Variants in SASH1 observed in about 807,000 individuals in gnomAD.
The protein encoded by SASH1 is SAM and SH3 domain-containing protein 1.
Under a neutral mutation model 125.2 loss-of-function variants are expected in SASH1, and 44 were observed. The ratio of observed to expected loss-of-function variants is 0.35; its 90% CI spans 0.28 to 0.45. The LOEUF (loss-of-function observed/expected upper bound fraction) is 0.45, where lower values mean the gene tolerates loss of function less well. SASH1 is among the 20% of genes least tolerant of loss of function. The pLI is 1.00. For synonymous variants in SASH1, 639 were observed against 649.1 expected, an observed-to-expected ratio of 0.98 and a Z score of 0.24; for missense variants, 1,426 against 1,614.5, an observed-to-expected ratio of 0.88 and a Z score of 2.00.
At position 148,550,110 on chromosome 6, in the gene SASH1, T is replaced by G. The variant is rs1462730900; in HGVS notation, c.*1552T>G. 6.6e-6 allele frequency: 1 copy of G among 152,240 alleles called. No homozygotes were observed. The highest frequency in any genetic ancestry group is 2.4e-5 in the African/African-American group (1 of 41,454). 9.4% of individuals were successfully genotyped at this position (152,240 alleles called of 1,614,324 possible). ...GATTACAGGTGTGAGCCACCGCACC[T>G]GGCCTCTGTCCTCTTTTAGTCTAGT... On this transcript the variant is annotated 3_prime_UTR_variant, in exon 20 of 20. Coordinates refer to ENST00000367467, the MANE Select transcript of SASH1 (RefSeq NM_015278.5).
intron 17 of SASH1, among the ~76,000 whole-genome samples, chr6:148,543,475 G>A (rs1562500797): frequency 6.6e-6 from 1 of 152,062 alleles, no homozygotes; most frequent in Non-Finnish European, 1.5e-5. Flanking sequence ...CCTTTAATAA[G>A]ACTAAGAATT....
chr6:148,512,771 A>G lies in SASH1; in HGVS notation c.730-1553A>G, dbSNP rs1218150402. On this transcript the variant is annotated intron_variant, in intron 8 of 19. Transcript: ENST00000367467. ...TTCTGACACTTGCAGGCAACATTTT[A>G]TCTAGTAATTTTAGAGAAATTGGAC... is the stretch of plus-strand genomic sequence containing the variant. 4.1e-6 allele frequency: 4 copies of G among 984,816 alleles called. No homozygotes were observed. The African/African-American group carries it at 7.0e-5, about 17-fold the overall frequency. 61.0% of individuals were successfully genotyped at this position (984,816 alleles called of 1,614,324 possible). A position where few individuals can be genotyped will look rare whatever the true frequency, so the allele number is the denominator to read the frequency against.
intron 8 of SASH1, among the ~76,000 whole-genome samples, chr6:148,500,078 C>A (rs998105578): frequency 1.3e-4 from 20 of 152,080 alleles, no homozygotes; most frequent in African/African-American, 4.6e-4. Context: ...TATGCTTCTT[C>A]TTTTCCCCCT....
At chr6:148,316,110 G>A (rs1290336777) in intron 1 of SASH1, among the ~76,000 whole-genome samples, 1 of 152,152 alleles carries the variant, frequency 6.6e-6, no homozygotes, top group East Asian at 1.9e-4. Flanking sequence ...TGCCTAGCTT[G>A]ATGTAAAACC....
intron 1 of SASH1, among the ~76,000 whole-genome samples, chr6:148,350,433 C>G (rs1781687907): frequency 6.6e-6 from 1 of 152,140 alleles, no homozygotes; most frequent in Non-Finnish European, 1.5e-5. Context: ...ACTGAAAGAT[C>G]TTTAAATCAT....
At chr6:148,452,203 G>A (rs894375850) in intron 4 of SASH1, among the ~76,000 whole-genome samples, 3 of 152,224 alleles carry the variant, frequency 2.0e-5, no homozygotes, top group Admixed American at 1.3e-4. Flanking sequence ...TAAATGGACT[G>A]GCCCAAGAGC....
chr6:148,452,970 C>T lies in SASH1; in HGVS notation c.386+12563C>T, dbSNP rs757858555. ...TTGTGCAGGCATAACTGCGTCCACA[C>T]GTGTGTGTGCACGCGTGCACCATTG... On this transcript the variant is annotated intron_variant, in intron 4 of 19. Transcript: ENST00000367467. Among the ~76,000 whole-genome samples the T allele has an allele frequency of 7.9e-5, 12 of 152,254 alleles. No individual in the cohort carries two copies. In the South Asian group the frequency reaches 8.3e-4, roughly 10 times the overall value.
chr6:148,295,265 G>A lies in SASH1; in HGVS notation n.74+22888G>A, dbSNP rs189525599. On this transcript the variant is annotated intron_variant and non_coding_transcript_variant, in intron 1 of 3. Transcript: ENST00000367469. ...TAGTCTTGATGCTGCAGTTGGGTGG[G>A]CAGGCTCATTACAGAGGCATTTTCA... 5.6e-3 allele frequency among the ~76,000 whole-genome samples: 846 copies of A among 152,234 alleles called. 5 individuals carry two copies. Among genetic ancestry groups the A allele is most frequent in the Non-Finnish European group, 8.4e-3 (574 of 68,008 alleles).
upstream of SASH1, among the ~76,000 whole-genome samples, chr6:148,341,201 A>T (rs1781310510): frequency 6.6e-6 from 1 of 151,788 alleles, no homozygotes; most frequent in African/African-American, 2.4e-5. Flanking sequence ...CCCAGGCTGG[A>T]GTGCAGCAGC....
chr6:148,323,986 G>A (rs936648395), intron 1 of SASH1, among the ~76,000 whole-genome samples: 3 of 151,818 alleles, frequency 2.0e-5, no homozygotes, highest in African/African-American at 7.3e-5. Context: ...TTAGCTGGGC[G>A]GAACACGCCT....
chr6:148,541,944 C>T (rs1782247031), intron 17 of SASH1, among the ~76,000 whole-genome samples: 2 of 152,344 alleles, frequency 1.3e-5, no homozygotes, highest in Non-Finnish European at 1.5e-5. Flanking sequence ...TATCCCAGTA[C>T]ATCCTCAGTT....
At chr6:148,218,264 T>C in the SASH1 span, among the ~76,000 whole-genome samples, 1 of 150,654 alleles carries the variant, frequency 6.6e-6, no homozygotes, top group African/African-American at 2.4e-5. Context: ...CAAGCAACCA[T>C]GGAAAGAGGA....
rs148540148 is a variant in SASH1 at position 148,321,927 on chromosome 6, A to G, written n.74+49550A>G. ...ACAGTGATAATTTCTTCTATGTGTAAATTTTTAACTTTCATATATAAATGG... is the reference window on the plus strand; with the variant it reads ...ACAGTGATAATTTCTTCTATGTGTAGATTTTTAACTTTCATATATAAATGG... On this transcript the variant is annotated intron_variant and non_coding_transcript_variant, in intron 1 of 3. Coordinates refer to the SASH1 transcript ENST00000367469. 6.7e-3 allele frequency among the ~76,000 whole-genome samples: 1,017 copies of G among 152,282 alleles called. 5 individuals are homozygous for G. The highest frequency in any genetic ancestry group is 1.0e-2 in the Non-Finnish European group (680 of 68,026).
intron 1 of SASH1, among the ~76,000 whole-genome samples, chr6:148,364,554 G>A (rs141213301): frequency 2.0e-5 from 3 of 152,292 alleles, no homozygotes; most frequent in East Asian, 1.9e-4. Context: ...TCCTGAGCAC[G>A]TTTAGAGTTC....
intron 2 of SASH1, among the ~76,000 whole-genome samples, chr6:148,402,458 T>A (rs922333973): frequency 7.9e-5 from 12 of 151,874 alleles, no homozygotes; most frequent in Non-Finnish European, 1.6e-4. Flanking sequence ...TACAGGCGTG[T>A]ACCACCATGC....
At chr6:148,369,966 CAAAAAAAAA>C (rs562924566) in intron 1 of SASH1, among the ~76,000 whole-genome samples, 1 of 93,596 alleles carries the variant, frequency 1.1e-5, no homozygotes, top group Middle Eastern at 0.012. Flanking sequence ...AAAAGAAAAA[CAAAAAAAAA>C]AAAAAAAAAA....
At chr6:148,305,613 GA>G (rs1188807240) in intron 1 of SASH1, among the ~76,000 whole-genome samples, 19 of 121,072 alleles carry the variant, frequency 1.6e-4, no homozygotes, top group Admixed American at 1.2e-3. Flanking sequence ...GACAGAGCGA[GA>G]CTCTGACTCA....
chr6:148,544,242 C>T lies in SASH1; in HGVS notation c.2772C>T (p.Pro924=), dbSNP rs1782407869. ...SIAASGRGLS[P]PQCLPRNYDA... is the part of the protein sequence containing the mutation. ...CAGCCTCTGGTCGCGGCCTGTCACC[C>T]CCTCAGTGTTTGCCCAGAAACTATG... is the stretch of plus-strand genomic sequence containing the variant. Residue 924 remains proline (P), a synonymous_variant, in exon 18 of 20, where the codon CCC becomes CCT. Transcript: ENST00000367467. This position sits in a 1 kb window ranked among gnomAD's most constrained non-coding sequence, Gnocchi z 6.4. The T allele has an allele frequency of 6.2e-7, 1 of 1,614,160 alleles. No individual in the cohort carries two copies. Among genetic ancestry groups the T allele is most frequent in the East Asian group, 2.2e-5 (1 of 44,854 alleles).
At chr6:148,400,435 G>A (rs930629280) in intron 2 of SASH1, among the ~76,000 whole-genome samples, 17 of 152,196 alleles carry the variant, frequency 1.1e-4, no homozygotes, top group African/African-American at 3.9e-4. Context: ...CCTGTACACC[G>A]AAATGACTAA....
Sources: gnomAD v4.1 joint callset for allele counts (sites outside exome capture counted in the v4.1 genomes callset) on GRCh38, gnomAD v4.1.1 for gene constraint, Gnocchi (gnomAD v3.1) non-coding constraint, MANE v1.5 for transcripts, NCBI Gene and HGNC (gene_info 2026-07-23, HGNC 2026-07-21) for gene names.